Variants in TBC1D5 observed in about 807,000 individuals in gnomAD.
TBC1D5 encodes TBC1 domain family member 5, also known as TBC1 domain family, member 5.
Under a neutral mutation model 100.3 loss-of-function variants are expected in TBC1D5, and 75 were observed. The ratio of observed to expected loss-of-function variants is 0.75; its 90% CI spans 0.62 to 0.91. The LOEUF (loss-of-function observed/expected upper bound fraction) is 0.91. TBC1D5 is among the 40% of genes least tolerant of loss of function. The pLI is 0.00. For missense variants in TBC1D5, 910 were observed against 942.4 expected, an observed-to-expected ratio of 0.97 and a Z score of 0.45; for synonymous variants, 323 against 325.6, an observed-to-expected ratio of 0.99 and a Z score of 0.09.
chr3:17,719,761 A>C (rs1466071188), intron 1 of TBC1D5, among the ~76,000 whole-genome samples: 1 of 152,216 alleles, frequency 6.6e-6, no homozygotes, highest in Non-Finnish European at 1.5e-5. Flanking sequence ...TAGTACATTC[A>C]CTAGTTAATA....
chr3:17,267,819 C>T (rs2079001015), intron 15 of TBC1D5, among the ~76,000 whole-genome samples: 4 of 152,104 alleles, frequency 2.6e-5, no homozygotes, highest in African/African-American at 4.8e-5. Flanking sequence ...AAGCTTTGCA[C>T]AGCCACACTT....
chr3:17,666,934 C>T (rs1419064491), intron 1 of TBC1D5, among the ~76,000 whole-genome samples: 1 of 152,048 alleles, frequency 6.6e-6, no homozygotes, highest in Non-Finnish European at 1.5e-5. Flanking sequence ...AACCCTCTAA[C>T]AACTGATTAG....
intron 3 of TBC1D5, among the ~76,000 whole-genome samples, chr3:17,436,276 C>T (rs1012218328): frequency 3.9e-5 from 6 of 151,992 alleles, no homozygotes; most frequent in Non-Finnish European, 8.8e-5. Context: ...TACTGCAAAA[C>T]GTGGTAAGAA....
intron 13 of TBC1D5, among the ~76,000 whole-genome samples, chr3:17,355,172 C>T (rs1043715781): frequency 9.2e-5 from 14 of 152,098 alleles, no homozygotes; most frequent in African/African-American, 3.4e-4. Flanking sequence ...GATCCTCTAA[C>T]TTCCAACTTA....
At chr3:17,596,262 A>G (rs1213493058) in intron 2 of TBC1D5, among the ~76,000 whole-genome samples, 1 of 150,068 alleles carries the variant, frequency 6.7e-6, no homozygotes, top group Non-Finnish European at 1.5e-5. Flanking sequence ...TCACAATCAG[A>G]TTCTCCCAAA....
chr3:17,522,049 G>C (rs1483875726), intron 2 of TBC1D5, among the ~76,000 whole-genome samples: 1 of 151,526 alleles, frequency 6.6e-6, no homozygotes, highest in East Asian at 1.9e-4. Flanking sequence ...CATTTACAGA[G>C]GCAAGAAAAA....
At chr3:17,480,006 A>G (rs1206989016) in intron 3 of TBC1D5, among the ~76,000 whole-genome samples, 1 of 152,174 alleles carries the variant, frequency 6.6e-6, no homozygotes, top group East Asian at 1.9e-4. Flanking sequence ...CAGCTTTGAA[A>G]GTGCCTGATC....
intron 13 of TBC1D5, among the ~76,000 whole-genome samples, chr3:17,312,208 T>C (rs1227492634): frequency 1.3e-5 from 2 of 152,096 alleles, no homozygotes; most frequent in Admixed American, 1.3e-4. Context: ...GCCATTCTCA[T>C]ATTTAATTTG....
intron 8 of TBC1D5, among the ~76,000 whole-genome samples, chr3:17,396,241 C>T (rs1313329980): frequency 6.6e-6 from 1 of 152,066 alleles, no homozygotes; most frequent in Non-Finnish European, 1.5e-5. Flanking sequence ...TGTGTGCCTG[C>T]AGTCCACCTC....
chr3:17,287,812 G>A (rs766491808), intron 15 of TBC1D5, among the ~76,000 whole-genome samples: 11 of 152,278 alleles, frequency 7.2e-5, no homozygotes, highest in Non-Finnish European at 1.5e-4. Flanking sequence ...GAGCAATTTA[G>A]GGATGATGGT....
intron 14 of TBC1D5, among the ~76,000 whole-genome samples, chr3:17,297,026 A>G (rs1350039574): frequency 1.3e-5 from 2 of 152,234 alleles, no homozygotes. Flanking sequence ...AGTAATTTCT[A>G]TGTTTAAATA....
intron 1 of TBC1D5, among the ~76,000 whole-genome samples, chr3:17,676,175 T>C (rs2068604371): frequency 6.6e-6 from 1 of 152,170 alleles, no homozygotes; most frequent in Non-Finnish European, 1.5e-5. Flanking sequence ...CAAACATTAA[T>C]TGAAATAGGA....
chr3:17,499,397 C>G (rs1244019932), intron 3 of TBC1D5, among the ~76,000 whole-genome samples: 2 of 150,600 alleles, frequency 1.3e-5, no homozygotes, highest in Admixed American at 6.6e-5. Context: ...GGGCTGAAAG[C>G]TGGGTTATTT....
At chr3:17,336,143 A>G (rs2087745112) in intron 13 of TBC1D5, among the ~76,000 whole-genome samples, 1 of 152,086 alleles carries the variant, frequency 6.6e-6, no homozygotes, top group Non-Finnish European at 1.5e-5. Flanking sequence ...GATTTGAGAA[A>G]ACTGTGGGCC....
intron 19 of TBC1D5, among the ~76,000 whole-genome samples, chr3:17,177,306 A>C (rs957397632): frequency 2.0e-5 from 3 of 152,156 alleles, no homozygotes; most frequent in Non-Finnish European, 4.4e-5. Flanking sequence ...AGTTTTTCTA[A>C]ATAGGTATAG....
chr3:17,332,803 G>C (rs1305793219), intron 13 of TBC1D5, among the ~76,000 whole-genome samples: 9 of 152,138 alleles, frequency 5.9e-5, no homozygotes, highest in Non-Finnish European at 1.5e-5. Context: ...TAGTAACATG[G>C]AATGAATGTG....
chr3:17,682,209 G>A lies in TBC1D5; in HGVS notation c.-101+57134C>T, dbSNP rs371532652. 1.8e-4 allele frequency among the ~76,000 whole-genome samples: 28 copies of A among 151,352 alleles called. 1 individual carries two copies. The highest frequency in any genetic ancestry group is 2.1e-4 in the South Asian group (1 of 4,810). On this transcript the variant is annotated intron_variant, in intron 1 of 21. Transcript: ENST00000253692. Reference sequence around the variant, plus strand: ...CTGCTGTAATCCCAGCATTTTGGGAGGCCAAGACAGGAGGACTGCTTGAGC... The same window carrying A: ...CTGCTGTAATCCCAGCATTTTGGGAAGCCAAGACAGGAGGACTGCTTGAGC...
At chr3:17,588,650 A>G (rs983838380) in intron 2 of TBC1D5, among the ~76,000 whole-genome samples, 1 of 152,032 alleles carries the variant, frequency 6.6e-6, no homozygotes, top group Non-Finnish European at 1.5e-5. Context: ...GAAGTTGTGC[A>G]CTCCTAGGGA....
intron 17 of TBC1D5, among the ~76,000 whole-genome samples, chr3:17,233,394 G>A (rs1161044569): frequency 6.6e-6 from 1 of 152,064 alleles, no homozygotes; most frequent in African/African-American, 2.4e-5. Flanking sequence ...GGCACACAAA[G>A]TATACTATGT....
Sources: allele counts gnomAD v4.1 joint callset (sites outside exome capture counted in the v4.1 genomes callset), GRCh38; gene constraint gnomAD v4.1.1; transcripts MANE v1.5; gene names NCBI Gene and HGNC (gene_info 2026-07-23, HGNC 2026-07-21).